The following GRID2 variants were observed in gnomAD, a reference collection of about 807,000 sequenced individuals.
The protein encoded by GRID2 is glutamate receptor ionotropic, delta-2.
GRID2 carries 33 observed loss-of-function variants against 114.8 expected under a neutral mutation model. The ratio of observed to expected loss-of-function variants is 0.29; its 90% CI spans 0.22 to 0.38. The LOEUF (loss-of-function observed/expected upper bound fraction) is 0.38. GRID2 is among the 10% of genes least tolerant of loss of function. The pLI is 1.00. For missense variants in GRID2, 1,184 were observed against 1,257.7 expected, an observed-to-expected ratio of 0.94 and a Z score of 0.89; for synonymous variants, 505 against 449.9, an observed-to-expected ratio of 1.12 and a Z score of -1.55.
intron 4 of GRID2, among the ~76,000 whole-genome samples, chr4:93,204,460 A>T (rs866220395): frequency 2.0e-5 from 3 of 152,162 alleles, no homozygotes; most frequent in Admixed American, 2.0e-4. Flanking sequence ...TAACAAATTT[A>T]TACTGCTAAA....
chr4:93,061,212 T>TTTTTA, intron 2 of GRID2, among the ~76,000 whole-genome samples: 1 of 149,964 alleles, frequency 6.7e-6, no homozygotes, highest in Non-Finnish European at 1.5e-5. Flanking sequence ...TTTTTTTTTT[T>TTTTTA]AATGCCTAAC....
At chr4:93,788,603 C>G (rs934335628) in intron 1 of GRID2, among the ~76,000 whole-genome samples, 2 of 151,760 alleles carry the variant, frequency 1.3e-5, no homozygotes, top group Admixed American at 6.6e-5. Context: ...AAAAAGATAA[C>G]AAAAATCTCA....
chr4:93,070,067 T>C (rs74612872), intron 2 of GRID2, among the ~76,000 whole-genome samples: 1 of 152,266 alleles, frequency 6.6e-6, no homozygotes, highest in African/African-American at 2.4e-5. Context: ...TACCTTTTTA[T>C]ATTTAAGTTG....
chr4:92,560,964 T>G (rs1235864085), intron 1 of GRID2, among the ~76,000 whole-genome samples: 1 of 152,142 alleles, frequency 6.6e-6, no homozygotes, highest in African/African-American at 2.4e-5. Context: ...CGCCTCAGCC[T>G]CCCAAAATGC....
chr4:93,320,707 TG>T (rs1194030243), intron 8 of GRID2, among the ~76,000 whole-genome samples: 2 of 152,034 alleles, frequency 1.3e-5, no homozygotes, highest in African/African-American at 2.4e-5. Flanking sequence ...ATAATATTGC[TG>T]GGTTTTTTTA....
At chr4:92,573,178 T>C (rs1005961694) in intron 1 of GRID2, among the ~76,000 whole-genome samples, 2 of 152,144 alleles carry the variant, frequency 1.3e-5, no homozygotes, top group Admixed American at 6.6e-5. Flanking sequence ...ATCTCCCTTA[T>C]CATTTCTGAT....
intron 2 of GRID2, among the ~76,000 whole-genome samples, chr4:92,882,512 A>G (rs532741687): frequency 1.3e-5 from 2 of 151,584 alleles, no homozygotes; most frequent in African/African-American, 2.4e-5. Context: ...TTTTTTTTTA[A>G]TTTCAAATGC....
intron 9 of GRID2, among the ~76,000 whole-genome samples, chr4:93,408,773 A>G (rs1327702141): frequency 6.6e-6 from 1 of 152,028 alleles, no homozygotes; most frequent in Non-Finnish European, 1.5e-5. Flanking sequence ...ATCCCTGCAG[A>G]TTTGTTTCTT....
intron 1 of GRID2, among the ~76,000 whole-genome samples, chr4:92,561,473 A>G (rs1254585115): frequency 1.3e-5 from 2 of 152,162 alleles, no homozygotes; most frequent in Non-Finnish European, 2.9e-5. Flanking sequence ...GTATTCCAAA[A>G]TATGCTTCTT....
chr4:92,819,984 A>G (rs1199728941), intron 2 of GRID2, among the ~76,000 whole-genome samples: 1 of 152,172 alleles, frequency 6.6e-6, no homozygotes, highest in East Asian at 1.9e-4. Context: ...CGATGAGTTA[A>G]CTACCAATTG....
At chr4:92,660,273 C>G (rs1312084800) in intron 2 of GRID2, among the ~76,000 whole-genome samples, 1 of 151,328 alleles carries the variant, frequency 6.6e-6, no homozygotes, top group Admixed American at 6.6e-5. Context: ...TAGGAAGATA[C>G]AAAGAATAAG....
chr4:92,415,740 G>GTGTATATATATATATA (rs1459039400), intron 1 of GRID2, among the ~76,000 whole-genome samples: 2 of 82,218 alleles, frequency 2.4e-5, no homozygotes, highest in Admixed American at 1.8e-4. Context: ...GTGTATGTGT[G>GTGTATATATATATATA]TATATATATA....
chr4:92,940,030 A>G lies in GRID2; in HGVS notation c.245-144965A>G, dbSNP rs1006817560. Reference sequence around the variant, plus strand: ...CTCTAGCTTTGTTCTTTTGGCTTAGAATTGACTTGGCGATGCAGGCTCTTT... The same window carrying G: ...CTCTAGCTTTGTTCTTTTGGCTTAGGATTGACTTGGCGATGCAGGCTCTTT... On this transcript the variant is annotated intron_variant, in intron 2 of 15. Coordinates refer to ENST00000282020, the MANE Select transcript of GRID2 (RefSeq NM_001510.4). Among the ~76,000 whole-genome samples the G allele has an allele frequency of 1.0e-4, 15 of 146,936 alleles. 1 individual carries two copies. The highest frequency in any genetic ancestry group is 3.5e-3 in the Middle Eastern group (1 of 284).
At chr4:93,158,864 TC>T (rs1737414331) in intron 4 of GRID2, among the ~76,000 whole-genome samples, 1 of 151,756 alleles carries the variant, frequency 6.6e-6, no homozygotes, top group African/African-American at 2.4e-5. Flanking sequence ...CTTTTTTTTT[TC>T]AGAAGGTGCT....
At chr4:93,378,766 T>C (rs1392259060) in intron 8 of GRID2, among the ~76,000 whole-genome samples, 1 of 152,150 alleles carries the variant, frequency 6.6e-6, no homozygotes, top group African/African-American at 2.4e-5. Context: ...CTTTATTATT[T>C]GGCTTAAAAC....
Position 93,772,707 on chromosome 4 carries a change from A to G in GRID2, c.*209A>G, listed in dbSNP as rs1734207767. ...CCTCCCTTCCTGTACATTTTCCTCC[A>G]CTTTTTTTCATTACTCAACTTGTTC... On this transcript the variant is annotated 3_prime_UTR_variant, in exon 16 of 16. Coordinates refer to ENST00000282020, the MANE Select transcript of GRID2 (RefSeq NM_001510.4). 1.2e-5 allele frequency: 6 copies of G among 509,168 alleles called. No individual in the cohort carries two copies. Among genetic ancestry groups the G allele is most frequent in the Non-Finnish European group, 2.1e-5 (6 of 291,864 alleles). 31.5% of individuals were successfully genotyped at this position (509,168 alleles called of 1,614,324 possible).
intron 2 of GRID2, among the ~76,000 whole-genome samples, chr4:92,594,166 A>C (rs1286128604): frequency 6.6e-6 from 1 of 151,822 alleles, no homozygotes; most frequent in Non-Finnish European, 1.5e-5. Flanking sequence ...ATACCCACCC[A>C]TGCATATATA....
Position 93,091,414 on chromosome 4 carries a change from G to C in GRID2, c.529+6135G>C, listed in dbSNP as rs369936489. On this transcript the variant is annotated intron_variant, in intron 3 of 15. Coordinates refer to ENST00000282020, the MANE Select transcript of GRID2 (RefSeq NM_001510.4). ...AAAGGCAAGTCCAACAGTCAGTGAA[G>C]TTTAAGACACTTATCCTAGTTTGGA... is the stretch of plus-strand genomic sequence containing the variant. Among the ~76,000 whole-genome samples, 25 of 152,256 alleles carry C rather than the reference G, an allele frequency of 1.6e-4. No individual in the cohort carries two copies. The East Asian group carries it at 4.6e-3, about 28-fold the overall frequency.
rs1392123925 is a variant in GRID2 at position 93,042,720 on chromosome 4, T to TAG, written c.245-42274_245-42273insGA. Among the ~76,000 whole-genome samples, 16 of 146,270 alleles carry TAG rather than the reference T, an allele frequency of 1.1e-4. 1 individual carries two copies. Among genetic ancestry groups the TAG allele is most frequent in the Non-Finnish European group, 2.1e-4 (14 of 66,596 alleles). On this transcript the variant is annotated intron_variant, in intron 2 of 15. Coordinates refer to ENST00000282020, the MANE Select transcript of GRID2 (RefSeq NM_001510.4). ...ATATATATGCATATATATATAGATA[T>TAG]ATAGAGAGAGAGATAGAGAGATAAA...
Sources: gnomAD v4.1 joint callset for allele counts (sites outside exome capture counted in the v4.1 genomes callset) on GRCh38, gnomAD v4.1.1 for gene constraint, MANE v1.5 for transcripts, NCBI Gene and HGNC (gene_info 2026-07-23, HGNC 2026-07-21) for gene names.